The following XPNPEP1 variants were observed in gnomAD, a reference collection of about 807,000 sequenced individuals.
XPNPEP1 encodes xaa-Pro aminopeptidase 1.
A neutral mutation model predicts 92.4 loss-of-function variants in XPNPEP1; 39 were observed. The ratio of observed to expected loss-of-function variants is 0.42; its 90% CI spans 0.33 to 0.55. XPNPEP1 has a LOEUF of 0.55. Ranked by LOEUF, XPNPEP1 falls within the 20% of genes least tolerant of loss-of-function variation. The pLI is 0.08. For missense variants in XPNPEP1, 654 were observed against 856.1 expected (o/e 0.76, Z 2.95); for synonymous variants, 307 against 299.4 (o/e 1.03, Z -0.26).
intron 20 of XPNPEP1, among the ~76,000 whole-genome samples, chr10:109,866,367 G>C (rs1847143515): frequency 6.6e-6 from 1 of 152,186 alleles, no homozygotes; most frequent in South Asian, 2.1e-4. Context: ...GAAGAGCCTA[G>C]TAGCCCCTTC....
chr10:109,879,541 G>GC (rs1365122815), intron 12 of XPNPEP1, among the ~76,000 whole-genome samples: 10 of 151,952 alleles, frequency 6.6e-5, no homozygotes, highest in Non-Finnish European at 1.2e-4. Context: ...CTGCACTCCA[G>GC]CCTGGGTGAC....
chr10:109,866,451 C>T (rs566503518), intron 20 of XPNPEP1, among the ~76,000 whole-genome samples: 1 of 152,302 alleles, frequency 6.6e-6, no homozygotes, highest in South Asian at 2.1e-4. Flanking sequence ...CACAGCAAGG[C>T]CAGCAGGGCT....
chr10:109,900,988 G>T (rs1285149955), intron 3 of XPNPEP1, among the ~76,000 whole-genome samples: 1 of 152,040 alleles, frequency 6.6e-6, no homozygotes, highest in Non-Finnish European at 1.5e-5. Flanking sequence ...GCACACATAT[G>T]TTTATTGCGG....
At chr10:109,882,411 G>C in intron 10 of XPNPEP1, 21 bp downstream of exon 10, 1 of 1,605,122 alleles carries the variant, frequency 6.2e-7, no homozygotes, top group Non-Finnish European at 8.5e-7. Flanking sequence ...AGTTTAGATG[G>C]GCCAAAGTGG....
At position 109,865,141 on chromosome 10, in the gene XPNPEP1, T is replaced by C. The variant is rs781606174; in HGVS notation, c.*43A>G. On this transcript the variant is annotated 3_prime_UTR_variant, in exon 21 of 21. Coordinates refer to ENST00000502935, the MANE Select transcript of XPNPEP1 (RefSeq NM_020383.4). ...TCAGGGATCTGCCACGTTTCTTCCT[T>C]CCTCCAGAGCATTTTACAAAAACAA... is the stretch of plus-strand genomic sequence containing the variant. 1 of 1,610,214 alleles carries C rather than the reference T, an allele frequency of 6.2e-7. No homozygotes were observed. Among genetic ancestry groups the C allele is most frequent in the Non-Finnish European group, 8.5e-7 (1 of 1,176,716 alleles).
At chr10:109,922,126 T>C (rs1850576122) in intron 1 of XPNPEP1, among the ~76,000 whole-genome samples, 1 of 152,172 alleles carries the variant, frequency 6.6e-6, no homozygotes, top group African/African-American at 2.4e-5. Flanking sequence ...TTACCGAAAC[T>C]GAAAGAAGTG....
At chr10:109,904,787 C>A (rs756646527) in intron 3 of XPNPEP1, among the ~76,000 whole-genome samples, 5 of 152,174 alleles carry the variant, frequency 3.3e-5, no homozygotes, top group Non-Finnish European at 7.3e-5. Context: ...AGTGGAAGAA[C>A]TGGAATGCTG....
chr10:109,899,599 C>T (rs1474649273), intron 3 of XPNPEP1, among the ~76,000 whole-genome samples: 3 of 152,198 alleles, frequency 2.0e-5, no homozygotes, highest in Admixed American at 2.0e-4. Flanking sequence ...ATCATTAACC[C>T]CACCCCAAGA....
intron 1 of XPNPEP1, among the ~76,000 whole-genome samples, chr10:109,919,164 G>A (rs1321158684): frequency 1.3e-5 from 2 of 152,186 alleles, no homozygotes; most frequent in Non-Finnish European, 2.9e-5. Flanking sequence ...AATTTAAAAT[G>A]TTTGTGTTTC....
chr10:109,886,206 A>T (rs778397322), intron 8 of XPNPEP1, 40 bp downstream of exon 8: 1 of 1,593,970 alleles, frequency 6.3e-7, no homozygotes, highest in Middle Eastern at 1.7e-4. Context: ...CAAAGGAGAG[A>T]TCGGGTAACA....
chr10:109,873,505 A>G (rs1847604113), intron 15 of XPNPEP1, 78 bp from the exon 16 acceptor site: 3 of 1,559,584 alleles, frequency 1.9e-6, no homozygotes, highest in Non-Finnish European at 2.7e-6. Flanking sequence ...GCATGTGGAC[A>G]AGTGAGAAGC....
chr10:109,902,811 G>T (rs1420579238), intron 3 of XPNPEP1, among the ~76,000 whole-genome samples: 8 of 152,178 alleles, frequency 5.3e-5, no homozygotes, highest in Admixed American at 5.2e-4. Context: ...TCAGATTAGA[G>T]CCTCAGTTTC....
intron 9 of XPNPEP1, among the ~76,000 whole-genome samples, chr10:109,883,531 G>A (rs909593595): frequency 6.6e-6 from 1 of 152,024 alleles, no homozygotes; most frequent in South Asian, 2.1e-4. Context: ...CAAGGACCCC[G>A]TCCTGTTTCA....
intron 14 of XPNPEP1, chr10:109,876,383 A>G (rs912135537): frequency 2.0e-5 from 3 of 152,364 alleles, no homozygotes; most frequent in South Asian, 4.2e-4. Context: ...CTGAACAACT[A>G]AAAAAGACAA....
rs1004370355 is a variant in XPNPEP1 at position 109,880,998 on chromosome 10, C to A, written c.1042-67G>T. The A allele has an allele frequency of 6.8e-6, 10 of 1,462,942 alleles. No homozygotes were observed. The African/African-American group carries it at 1.3e-4, about 18-fold the overall frequency. 90.6% of individuals were successfully genotyped at this position (1,462,942 alleles called of 1,614,324 possible). A position where few individuals can be genotyped will look rare whatever the true frequency, so the allele number is the denominator to read the frequency against. ...CACCCACCCAAGACCAAGGCAACAA[C>A]CTTTTTGCTCAGCAAAACTTACTTT... On this transcript the variant is annotated intron_variant, in intron 10 of 20. Coordinates refer to ENST00000502935, the MANE Select transcript of XPNPEP1 (RefSeq NM_020383.4).
At chr10:109,886,590 C>G (rs1396919707) in intron 7 of XPNPEP1, among the ~76,000 whole-genome samples, 1 of 152,214 alleles carries the variant, frequency 6.6e-6, no homozygotes, top group Non-Finnish European at 1.5e-5. Context: ...TGTGTAACAT[C>G]TAGATCTGCC....
intron 10 of XPNPEP1, 145 bp from the exon 11 acceptor site, chr10:109,881,076 G>T: frequency 1.5e-6 from 1 of 678,722 alleles, no homozygotes; most frequent in Non-Finnish European, 2.5e-6. Flanking sequence ...TATCCCCTGG[G>T]GCCCCAACGA....
chr10:109,886,418 A>G, intron 7 of XPNPEP1, 77 bp from the exon 8 acceptor site: 1 of 1,319,506 alleles, frequency 7.6e-7, no homozygotes, highest in Non-Finnish European at 1.1e-6. Context: ...AACCTACCCT[A>G]AACATCTTTA....
chr10:109,884,038 G>A (rs1554876874), intron 9 of XPNPEP1, 29 bp downstream of exon 9: 1 of 1,602,036 alleles, frequency 6.2e-7, no homozygotes, highest in Middle Eastern at 1.7e-4. Flanking sequence ...GCTCTGGAAG[G>A]GAGTTCCAGA....
Sources: gnomAD v4.1 joint callset for allele counts (sites outside exome capture counted in the v4.1 genomes callset) on GRCh38, gnomAD v4.1.1 for gene constraint, MANE v1.5 for transcripts, NCBI Gene and HGNC (gene_info 2026-07-23, HGNC 2026-07-21) for gene names.